Variants in SYN3 observed in about 807,000 individuals in gnomAD.
The protein encoded by SYN3 is synapsin-3.
Under a neutral mutation model 65.8 loss-of-function variants are expected in SYN3, and 35 were observed. The observed-to-expected ratio is 0.53, with a 90% CI of 0.41 to 0.70. The LOEUF (loss-of-function observed/expected upper bound fraction) is 0.70, where lower values mean the gene tolerates loss of function less well. Among genes scored for constraint, SYN3 ranks in the 30% least tolerant of loss-of-function variants. SYN3 has a pLI of 0.00. For missense variants in SYN3, 680 were observed against 749.0 expected (o/e 0.91, Z 1.08); for synonymous variants, 270 against 292.9 (o/e 0.92, Z 0.80).
At chr22:32,527,786 T>G in intron 12 of SYN3, 132 bp downstream of exon 12, 2 of 727,296 alleles carry the variant, frequency 2.7e-6, no homozygotes, top group Non-Finnish European at 4.5e-6. Context: ...CCCCATAGTC[T>G]CATTCATTCT....
intron 2 of SYN3, among the ~76,000 whole-genome samples, chr22:32,998,168 C>A (rs2052944131): frequency 6.6e-6 from 1 of 152,128 alleles, no homozygotes; most frequent in African/African-American, 2.4e-5. Flanking sequence ...TATTATCTGC[C>A]CTGTTCTAGG....
chr22:32,936,909 A>T (rs780213205), intron 3 of SYN3, among the ~76,000 whole-genome samples: 4 of 152,090 alleles, frequency 2.6e-5, no homozygotes, highest in Non-Finnish European at 4.4e-5. Context: ...ATAATCAATC[A>T]CTCCATGTAG....
intron 4 of SYN3, among the ~76,000 whole-genome samples, chr22:32,901,465 C>A (rs2049757441): frequency 6.6e-6 from 1 of 152,160 alleles, no homozygotes; most frequent in African/African-American, 2.4e-5. Flanking sequence ...CCTTTCAGGC[C>A]CAAGTCCAAT....
intron 6 of SYN3, among the ~76,000 whole-genome samples, chr22:32,693,592 G>T (rs369147952): frequency 8.2e-4 from 74 of 90,420 alleles, no homozygotes; most frequent in African/African-American, 1.7e-3. Flanking sequence ...TCTGTAGCTT[G>T]TTTTTTTTTT....
At chr22:32,921,135 C>A (rs2050324668) in intron 4 of SYN3, among the ~76,000 whole-genome samples, 1 of 152,076 alleles carries the variant, frequency 6.6e-6, no homozygotes, top group Non-Finnish European at 1.5e-5. Context: ...TTATTTAGAC[C>A]ATTTAGGGGT....
intron 1 of SYN3, among the ~76,000 whole-genome samples, chr22:33,036,121 C>T (rs986911410): frequency 4.6e-5 from 7 of 152,102 alleles, no homozygotes; most frequent in Non-Finnish European, 8.8e-5. Context: ...GCCTACCTGC[C>T]CCTCTTCCTA....
intron 6 of SYN3, among the ~76,000 whole-genome samples, chr22:32,671,277 C>T (rs376426311): frequency 0.012 from 1,828 of 152,014 alleles, 20 homozygotes; most frequent in Middle Eastern, 0.031. Flanking sequence ...CACACTTACA[C>T]TCCCACCCAT....
intron 6 of SYN3, among the ~76,000 whole-genome samples, chr22:32,644,633 C>T (rs1356593620): frequency 1.3e-5 from 2 of 152,180 alleles, no homozygotes; most frequent in South Asian, 4.1e-4. Flanking sequence ...AGGTTATTTT[C>T]GTTTTTCCCT....
chr22:32,747,800 C>T (rs1223929926), intron 6 of SYN3, among the ~76,000 whole-genome samples: 3 of 152,196 alleles, frequency 2.0e-5, no homozygotes, highest in Non-Finnish European at 4.4e-5. Context: ...TGTTGTTGGC[C>T]TTGTGTCTCC....
Position 33,006,649 on chromosome 22 carries a change from C to T in SYN3, c.14G>A (p.Arg5Gln), listed in dbSNP as rs750613435. 7.0e-6 allele frequency: 11 copies of T among 1,578,968 alleles called. No individual in the cohort carries two copies. The highest frequency in any genetic ancestry group is 2.4e-5 in the South Asian group (2 of 84,304). MNFL[R>Q]RRLSDSSFMA... ...GAAGCTGCTGTCAGAGAGACGTCGC[C>T]GGAGGAAATTCATGGCTGTGGATGG... The change falls in exon 2 of 14, where the codon CGG becomes CAG. Residue 5 changes from arginine (R) to glutamine (Q), a missense_variant. By Grantham distance (43) the Arg-to-Gln change is conservative. Coordinates refer to ENST00000358763, the MANE Select transcript of SYN3 (RefSeq NM_003490.4).
chr22:32,571,972 C>T (rs2058765149), intron 7 of SYN3, among the ~76,000 whole-genome samples: 1 of 151,830 alleles, frequency 6.6e-6, no homozygotes, highest in Non-Finnish European at 1.5e-5. Flanking sequence ...AAGGTCTAGC[C>T]CAGAAGAGGA....
At chr22:33,032,657 T>A (rs924292045) in intron 1 of SYN3, among the ~76,000 whole-genome samples, 3 of 152,142 alleles carry the variant, frequency 2.0e-5, no homozygotes, top group Admixed American at 2.0e-4. Context: ...TTTTTTTTTT[T>A]AATTCATCCC....
chr22:32,928,284 C>T lies in SYN3; in HGVS notation c.461+3106G>A, dbSNP rs181122129. ...GGCAGAGCTTGCAGTGAACCGAGAT[C>T]GCACCACTGCACTCCAGCCTGGGCG... is the stretch of plus-strand genomic sequence containing the variant. On this transcript the variant is annotated intron_variant, in intron 4 of 13. Coordinates refer to ENST00000358763, the MANE Select transcript of SYN3 (RefSeq NM_003490.4). Among the ~76,000 whole-genome samples, 896 of 151,992 alleles carry T rather than the reference C, an allele frequency of 5.9e-3. 10 individuals carry two copies. Among genetic ancestry groups the T allele is most frequent in the African/African-American group, 0.021 (851 of 41,426 alleles).
chr22:32,977,589 C>G (rs1030293191), intron 3 of SYN3, among the ~76,000 whole-genome samples: 1 of 151,878 alleles, frequency 6.6e-6, no homozygotes, highest in East Asian at 1.9e-4. Context: ...ACTAAAAATA[C>G]AAAAATTATC....
chr22:33,054,728 T>C (rs995244702), intron 1 of SYN3, among the ~76,000 whole-genome samples: 1 of 152,244 alleles, frequency 6.6e-6, no homozygotes, highest in Non-Finnish European at 1.5e-5. Context: ...TTCATCCACA[T>C]TGCAGCATGT....
intron 3 of SYN3, among the ~76,000 whole-genome samples, chr22:32,940,636 A>C (rs931223617): frequency 2.6e-5 from 4 of 152,218 alleles, no homozygotes; most frequent in Non-Finnish European, 5.9e-5. Flanking sequence ...TTCTCAATAG[A>C]ATTGCATTGG....
At chr22:32,788,296 C>T (rs1402631880) in intron 6 of SYN3, among the ~76,000 whole-genome samples, 2 of 152,006 alleles carry the variant, frequency 1.3e-5, no homozygotes, top group Admixed American at 6.6e-5. Flanking sequence ...AATCCCAGCA[C>T]TTTTAGAGGC....
chr22:32,664,584 CTTTTTTTTT>C lies in SYN3; in HGVS notation c.712-67857_712-67849del, dbSNP rs71320943. 1.1e-3 allele frequency among the ~76,000 whole-genome samples: 75 copies of C among 69,056 alleles called. 1 individual carries two copies. In the East Asian group the frequency reaches 0.019, roughly 18 times the overall value. The allele number at this position is 69,056 out of a possible 152,430, so 45.3% of individuals were successfully genotyped here. A position where few individuals can be genotyped will look rare whatever the true frequency, so the allele number is the denominator to read the frequency against. ...AGCATACACTGTACTCAATTGGTCG[CTTTTTTTTT>C]TTTTTTTTTTTTTTTTTGACAGAGT... On this transcript the variant is annotated intron_variant, in intron 6 of 13. Coordinates refer to ENST00000358763, the MANE Select transcript of SYN3 (RefSeq NM_003490.4).
intron 6 of SYN3, among the ~76,000 whole-genome samples, chr22:32,647,301 G>C (rs952911613): frequency 6.6e-6 from 1 of 152,126 alleles, no homozygotes; most frequent in Non-Finnish European, 1.5e-5. Flanking sequence ...CTCTTCCAAG[G>C]CTACAGGCAT....
Sources: allele counts gnomAD v4.1 joint callset (sites outside exome capture counted in the v4.1 genomes callset), GRCh38; gene constraint gnomAD v4.1.1; transcripts MANE v1.5; gene names NCBI Gene and HGNC (gene_info 2026-07-23, HGNC 2026-07-21).